The following ZNRF1 variants were observed in gnomAD, a reference collection of about 807,000 sequenced individuals.
The protein encoded by ZNRF1 is E3 ubiquitin-protein ligase ZNRF1.
A neutral mutation model predicts 18.4 loss-of-function variants in ZNRF1; 3 were observed. The ratio of observed to expected loss-of-function variants is 0.16; its 90% CI spans 0.07 to 0.42. The LOEUF is 0.42. Among genes scored for constraint, ZNRF1 ranks in the 10% least tolerant of loss-of-function variants. The probability of loss-of-function intolerance (pLI) is 0.99; values close to 1 mark genes in which losing one functional copy is unlikely to be tolerated. For synonymous variants in ZNRF1, 157 were observed against 144.2 expected (o/e 1.09, Z -0.64); for missense variants, 310 against 329.8 (o/e 0.94, Z 0.47).
At chr16:75,050,734 G>A (rs1464148018) in intron 1 of ZNRF1, among the ~76,000 whole-genome samples, 1 of 151,372 alleles carries the variant, frequency 6.6e-6, no homozygotes. Context: ...AGCTGGGCAT[G>A]GTGGCAGGCG....
chr16:75,088,017 A>G (rs1358286272), intron 1 of ZNRF1, among the ~76,000 whole-genome samples: 1 of 152,236 alleles, frequency 6.6e-6, no homozygotes, highest in East Asian at 1.9e-4. Flanking sequence ...TCTCCGAGGA[A>G]GTTTGACAAA....
chr16:75,053,741 T>G (rs1403493807), intron 1 of ZNRF1, among the ~76,000 whole-genome samples: 4 of 152,200 alleles, frequency 2.6e-5, no homozygotes, highest in Non-Finnish European at 5.9e-5. Flanking sequence ...ACATAAGTAG[T>G]AATTTCCTCA....
chr16:75,070,376 T>C (rs1182993248), intron 1 of ZNRF1, among the ~76,000 whole-genome samples: 1 of 152,180 alleles, frequency 6.6e-6, no homozygotes, highest in Non-Finnish European at 1.5e-5. Context: ...GCCAAAGTAA[T>C]ATTTCTGAAA....
intron 1 of ZNRF1, among the ~76,000 whole-genome samples, chr16:75,043,105 T>C (rs763276267): frequency 9.9e-5 from 15 of 152,246 alleles, no homozygotes; most frequent in Non-Finnish European, 4.4e-5. Context: ...AAAGAACAAG[T>C]TGAGACTGAT....
At chr16:75,096,710 A>G (rs1178576894) in intron 2 of ZNRF1, among the ~76,000 whole-genome samples, 1 of 152,226 alleles carries the variant, frequency 6.6e-6, no homozygotes. Flanking sequence ...TGATGGTTAT[A>G]TAAGATGAAA....
At chr16:75,010,711 G>GTTTTTTTTTTTTTTTTTTTTTT (rs67210395) in intron 1 of ZNRF1, among the ~76,000 whole-genome samples, 10 of 74,324 alleles carry the variant, frequency 1.3e-4, no homozygotes, top group African/African-American at 3.1e-4. Flanking sequence ...GTTTTTTTTT[G>GTTTTTTTTTTTTTTTTTTTTTT]TTTTTTTGTT....
chr16:75,000,178 A>C (rs2034824426), intron 1 of ZNRF1, 83 bp downstream of exon 1: 1 of 1,522,454 alleles, frequency 6.6e-7, no homozygotes, highest in Non-Finnish European at 8.9e-7. Context: ...AGGTTTGGGA[A>C]TGTAGTGCAC....
chr16:75,080,307 C>G (rs753872359), intron 1 of ZNRF1, among the ~76,000 whole-genome samples: 2 of 152,216 alleles, frequency 1.3e-5, no homozygotes, highest in African/African-American at 2.4e-5. Flanking sequence ...TCTCACAGAC[C>G]TCCAGTGACA....
At position 74,999,663 on chromosome 16, in the gene ZNRF1, C is replaced by A; in HGVS notation, c.-9C>A. The A allele has an allele frequency of 7.5e-7, 1 of 1,334,450 alleles. No homozygotes were observed. Among genetic ancestry groups the A allele is most frequent in the East Asian group, 3.1e-5 (1 of 32,144 alleles). The allele number at this position is 1,334,450 out of a possible 1,614,324, so 82.7% of individuals were successfully genotyped here. A position where few individuals can be genotyped will look rare whatever the true frequency, so the allele number is the denominator to read the frequency against. On this transcript the variant is annotated 5_prime_UTR_variant, in exon 1 of 5. Transcript: ENST00000335325. Reference sequence around the variant, plus strand: ...TCCAGGTTCCCGCCCCACCGGGGCCCGGGCGAGCATGGGGGGCAAGCAGAG... The same window carrying A: ...TCCAGGTTCCCGCCCCACCGGGGCCAGGGCGAGCATGGGGGGCAAGCAGAG...
chr16:75,075,378 TG>T (rs1437837719), intron 1 of ZNRF1, among the ~76,000 whole-genome samples: 1 of 152,236 alleles, frequency 6.6e-6, no homozygotes, highest in Non-Finnish European at 1.5e-5. Flanking sequence ...AACTGCGGGT[TG>T]GGCAGGAAGC....
chr16:75,013,907 GC>G lies in ZNRF1; in HGVS notation c.424+13813del, dbSNP rs149561619. Among the ~76,000 whole-genome samples, 1,099 of 151,846 alleles carry G rather than the reference GC, an allele frequency of 7.2e-3. 8 individuals carry two copies. The highest frequency in any genetic ancestry group is 0.012 in the Non-Finnish European group (810 of 67,968). On this transcript the variant is annotated intron_variant, in intron 1 of 4. Coordinates refer to ENST00000335325, the MANE Select transcript of ZNRF1 (RefSeq NM_032268.5). ...GGCAGTGGTGTGGTTTTGGCTCACTGCAACCTCTGCCTCCCAGGTTCAAGTA... is the reference window on the plus strand; with the variant it reads ...GGCAGTGGTGTGGTTTTGGCTCACTGAACCTCTGCCTCCCAGGTTCAAGTA...
At chr16:75,020,389 A>G (rs1311054923) in intron 1 of ZNRF1, among the ~76,000 whole-genome samples, 3 of 152,110 alleles carry the variant, frequency 2.0e-5, no homozygotes, top group Admixed American at 1.3e-4. Context: ...ATTTAAAAGT[A>G]TTATGATAGC....
At chr16:75,097,725 G>A (rs2036215765) in intron 2 of ZNRF1, among the ~76,000 whole-genome samples, 1 of 152,210 alleles carries the variant, frequency 6.6e-6, no homozygotes, top group Non-Finnish European at 1.5e-5. Context: ...GCTGAGGTGA[G>A]AGGATCACTT....
chr16:75,076,574 T>C (rs1053922181), intron 1 of ZNRF1, among the ~76,000 whole-genome samples: 1 of 150,482 alleles, frequency 6.6e-6, no homozygotes, highest in Non-Finnish European at 1.5e-5. Flanking sequence ...ACTTGATTGC[T>C]TATCCTATTT....
chr16:75,037,804 C>G lies in ZNRF1; in HGVS notation c.424+37709C>G, dbSNP rs1205338156. On this transcript the variant is annotated intron_variant, in intron 1 of 4. Coordinates refer to ENST00000335325, the MANE Select transcript of ZNRF1 (RefSeq NM_032268.5). Reference sequence around the variant, plus strand: ...ACTGAGCTGAAAACATCTCACTAACCACTGATTTTAGTTAGCATGGCCTTT... The same window carrying G: ...ACTGAGCTGAAAACATCTCACTAACGACTGATTTTAGTTAGCATGGCCTTT... Among the ~76,000 whole-genome samples the G allele has an allele frequency of 2.0e-5, 3 of 152,156 alleles. No homozygotes were observed. The East Asian group carries it at 5.8e-4, about 29-fold the overall frequency.
chr16:75,066,752 C>T (rs1413262937), intron 1 of ZNRF1, among the ~76,000 whole-genome samples: 1 of 152,052 alleles, frequency 6.6e-6, no homozygotes, highest in East Asian at 1.9e-4. Context: ...GATCCGCCCA[C>T]CTTGGCCTCC....
chr16:75,081,293 C>A (rs1313939966), intron 1 of ZNRF1, among the ~76,000 whole-genome samples: 1 of 152,224 alleles, frequency 6.6e-6, no homozygotes, highest in African/African-American at 2.4e-5. Context: ...TCTGAGGGCA[C>A]CTGCCAAGAG....
intron 1 of ZNRF1, among the ~76,000 whole-genome samples, chr16:75,026,590 G>C (rs1001943269): frequency 1.3e-5 from 2 of 151,966 alleles, no homozygotes; most frequent in South Asian, 4.2e-4. Context: ...AGTTTTTCTT[G>C]GTTATTAAAA....
At chr16:75,063,662 G>A (rs1047503388) in intron 1 of ZNRF1, among the ~76,000 whole-genome samples, 1 of 152,194 alleles carries the variant, frequency 6.6e-6, no homozygotes. Flanking sequence ...AATTTGTGAA[G>A]TTACTGTGTG....
Sources: allele counts gnomAD v4.1 joint callset (sites outside exome capture counted in the v4.1 genomes callset), GRCh38; gene constraint gnomAD v4.1.1; transcripts MANE v1.5; gene names NCBI Gene and HGNC (gene_info 2026-07-23, HGNC 2026-07-21).